TRPM4: variants seen among roughly 807,000 people sequenced by gnomAD.
TRPM4 encodes transient receptor potential cation channel subfamily M member 4.
Under a neutral mutation model 135.6 loss-of-function variants are expected in TRPM4, and 124 were observed. The observed-to-expected ratio is 0.91, with a 90% confidence interval of 0.79 to 1.06. The LOEUF (loss-of-function observed/expected upper bound fraction) is 1.06. TRPM4 is among the 50% of genes least tolerant of loss of function. The probability of loss-of-function intolerance (pLI) is 0.00; values close to 1 mark genes in which losing one functional copy is unlikely to be tolerated. For missense variants in TRPM4, 1,658 were observed against 1,671.4 expected, an observed-to-expected ratio of 0.99 and a Z score of 0.14; for synonymous variants, 745 against 705.6, an observed-to-expected ratio of 1.06 and a Z score of -0.88.
intron 20 of TRPM4, among the ~76,000 whole-genome samples, chr19:49,207,965 G>A (rs927363460): frequency 6.6e-6 from 1 of 152,098 alleles, no homozygotes; most frequent in Non-Finnish European, 1.5e-5. Context: ...AAGGGGCAGG[G>A]TAAAGAGTGT....
At chr19:49,190,358 G>C (rs1316579169) in intron 15 of TRPM4, 38 bp downstream of exon 15, 1 of 1,573,850 alleles carries the variant, frequency 6.4e-7, no homozygotes, top group Non-Finnish European at 8.7e-7. Context: ...GGATGGGGGC[G>C]GGGTGCTCAG....
At chr19:49,161,970 C>T (rs921080147) in intron 2 of TRPM4, among the ~76,000 whole-genome samples, 2 of 152,136 alleles carry the variant, frequency 1.3e-5, no homozygotes, top group East Asian at 1.9e-4. Context: ...CTGGCCTCTG[C>T]ACACATTGGG....
rs1969361946 is a variant in TRPM4, at chr19:49,211,303, C to CCT, written c.3640+37_3640+38dup. 1 of 1,573,864 alleles carries CCT rather than the reference C, an allele frequency of 6.4e-7. No individual in the cohort carries two copies. Reference sequence around the variant, plus strand: ...GTAGCATCAGCCTGTGCATCTCCAGCCTCTGTTCCTGTATTTTTGCGTGTT... The same window carrying CCT: ...GTAGCATCAGCCTGTGCATCTCCAGCCTCTCTGTTCCTGTATTTTTGCGTGTT... On this transcript the variant is annotated intron_variant, in intron 24 of 24. Coordinates refer to ENST00000252826, the MANE Select transcript of TRPM4 (RefSeq NM_017636.4). This position sits in a 1 kb window ranked among gnomAD's most constrained non-coding sequence, Gnocchi z 4.8.
rs373634071 is a variant in TRPM4 at position 49,210,171 on chromosome 19, C to T, written c.3132-38C>T. 2.9e-5 allele frequency: 47 copies of T among 1,611,482 alleles called. 1 individual carries two copies. The highest frequency in any genetic ancestry group is 3.9e-5 in the Non-Finnish European group (46 of 1,177,688). On this transcript the variant is annotated intron_variant, in intron 20 of 24. Transcript: ENST00000252826. This position sits in a 1 kb window ranked among gnomAD's most constrained non-coding sequence, Gnocchi z 4.1. Reference sequence around the variant, plus strand: ...CCTTCGTCCTTGCCCCTGGCTGGGCCCTGACCTCAAGTGACCTTTGACCTC... The same window carrying T: ...CCTTCGTCCTTGCCCCTGGCTGGGCTCTGACCTCAAGTGACCTTTGACCTC...
chr19:49,188,826 G>T, intron 13 of TRPM4, 56 bp downstream of exon 13: 1 of 1,612,934 alleles, frequency 6.2e-7, no homozygotes, highest in Non-Finnish European at 8.5e-7. Context: ...AGAGGGGGAT[G>T]TGCAACTCCG....
chr19:49,202,635 A>C (rs1239238515), intron 20 of TRPM4, among the ~76,000 whole-genome samples: 1 of 151,676 alleles, frequency 6.6e-6, no homozygotes, highest in African/African-American at 2.4e-5. Context: ...TCTGTCACCT[A>C]GGCTGGAGTG....
intron 20 of TRPM4, among the ~76,000 whole-genome samples, chr19:49,203,328 C>T (rs562334006): frequency 2.1e-4 from 32 of 151,876 alleles, no homozygotes; most frequent in South Asian, 1.3e-3. Context: ...TACAGGCGTG[C>T]GCCACCACAC....
chr19:49,167,796 C>A (rs1045981125), intron 3 of TRPM4, 121 bp from the exon 4 acceptor site: 24 of 657,548 alleles, frequency 3.6e-5, no homozygotes, highest in South Asian at 1.7e-4. Flanking sequence ...CTCTGTCCCT[C>A]TCTCTCTGGG....
At chr19:49,162,565 C>CA (rs1491306800) in intron 2 of TRPM4, among the ~76,000 whole-genome samples, 12 of 151,374 alleles carry the variant, frequency 7.9e-5, no homozygotes, top group Admixed American at 2.6e-4. Flanking sequence ...AACAAACAAA[C>CA]AAAAAAACAA....
intron 2 of TRPM4, among the ~76,000 whole-genome samples, chr19:49,164,210 C>T (rs1047297511): frequency 1.3e-5 from 2 of 149,956 alleles, no homozygotes; most frequent in Non-Finnish European, 3.0e-5. Context: ...CTTCCTTTCT[C>T]TTTCTTTTCT....
Position 49,174,758 on chromosome 19 carries a change from A to C in TRPM4, c.1150+2650A>C, listed in dbSNP as rs966561096. On this transcript the variant is annotated intron_variant, in intron 9 of 24. Coordinates refer to ENST00000252826, the MANE Select transcript of TRPM4 (RefSeq NM_017636.4). ...GACTCTGTCTCAAAAAAAAAAAAAA[A>C]AAACCTAAATAAATAAACCAAATAA... Among the ~76,000 whole-genome samples, 4 of 151,560 alleles carry C rather than the reference A, an allele frequency of 2.6e-5. No homozygotes were observed. In the East Asian group the frequency reaches 7.8e-4, roughly 30 times the overall value.
chr19:49,184,865 G>A (rs1600467627), intron 12 of TRPM4, among the ~76,000 whole-genome samples: 1 of 150,940 alleles, frequency 6.6e-6, no homozygotes, highest in African/African-American at 2.4e-5. Context: ...TCTACAAAAA[G>A]CAGAAAAAAA....
intron 16 of TRPM4, among the ~76,000 whole-genome samples, chr19:49,194,548 C>A (rs949708071): frequency 6.6e-6 from 1 of 151,668 alleles, no homozygotes; most frequent in Non-Finnish European, 1.5e-5. Context: ...CTTGGCCTCA[C>A]TTATTTCCTT....
rs71919979 is a variant in TRPM4 at position 49,180,428 on chromosome 19, C to CTGTGTGTGTG, written c.1151-881_1151-872dup. 3.5e-3 allele frequency among the ~76,000 whole-genome samples: 456 copies of CTGTGTGTGTG among 131,316 alleles called. 2 individuals are homozygous for CTGTGTGTGTG. The highest frequency in any genetic ancestry group is 8.0e-3 in the African/African-American group (279 of 34,788). 86.1% of individuals were successfully genotyped at this position (131,316 alleles called of 152,430 possible). A position where few individuals can be genotyped will look rare whatever the true frequency, so the allele number is the denominator to read the frequency against. On this transcript the variant is annotated intron_variant, in intron 9 of 24. Transcript: ENST00000252826. ...AGTGACTCACGTTTGTCATCATCTG[C>CTGTGTGTGTG]TGTGTGTGTGTGTGTGTGTGTGTGT... is the stretch of plus-strand genomic sequence containing the variant.
At chr19:49,164,743 T>G (rs1334066610) in intron 2 of TRPM4, among the ~76,000 whole-genome samples, 1 of 151,408 alleles carries the variant, frequency 6.6e-6, no homozygotes, top group Non-Finnish European at 1.5e-5. Flanking sequence ...CTTCTTTTCT[T>G]TTTTTTGAAC....
Position 49,201,952 on chromosome 19 carries a change from C to T in TRPM4, c.2954-12C>T. Reference sequence around the variant, plus strand: ...TCCCCCTCACCCCATCTCTGAATGTCTCTCTTCACAGTGGCCCTCATGGAG... The same window carrying T: ...TCCCCCTCACCCCATCTCTGAATGTTTCTCTTCACAGTGGCCCTCATGGAG... On this transcript the variant is annotated splice_polypyrimidine_tract_variant and intron_variant, in intron 19 of 24. Coordinates refer to ENST00000252826, the MANE Select transcript of TRPM4 (RefSeq NM_017636.4). The T allele has an allele frequency of 6.2e-7, 1 of 1,613,230 alleles. No individual in the cohort carries two copies. The highest frequency in any genetic ancestry group is 8.5e-7 in the Non-Finnish European group (1 of 1,179,986).
chr19:49,188,802 C>G, intron 13 of TRPM4, 32 bp downstream of exon 13: 1 of 1,613,206 alleles, frequency 6.2e-7, no homozygotes, highest in Non-Finnish European at 8.5e-7. Flanking sequence ...GGAGCAGGGA[C>G]GGGGGCTGCC....
At chr19:49,199,135 A>T (rs1034249291) in intron 17 of TRPM4, among the ~76,000 whole-genome samples, 1 of 152,190 alleles carries the variant, frequency 6.6e-6, no homozygotes, top group Non-Finnish European at 1.5e-5. Flanking sequence ...TGCCAATTTA[A>T]TGGGTAAACA....
Position 49,171,460 on chromosome 19 carries a change from T to C in TRPM4, c.858+42T>C. 4 of 1,612,600 alleles carry C rather than the reference T, an allele frequency of 2.5e-6. No homozygotes were observed. In the South Asian group the frequency reaches 4.4e-5, roughly 18 times the overall value. ...GCCCGGATCTAAGGGGGAAGGAGGGTTGGGGGCCAGGACTCCTGGGTCCTG... is the reference window on the plus strand; with the variant it reads ...GCCCGGATCTAAGGGGGAAGGAGGGCTGGGGGCCAGGACTCCTGGGTCCTG... On this transcript the variant is annotated intron_variant, in intron 7 of 24. Coordinates refer to ENST00000252826, the MANE Select transcript of TRPM4 (RefSeq NM_017636.4). This position sits in a 1 kb window ranked among gnomAD's most constrained non-coding sequence, Gnocchi z 4.7.
Sources: allele counts gnomAD v4.1 joint callset (sites outside exome capture counted in the v4.1 genomes callset), GRCh38; gene constraint gnomAD v4.1.1; non-coding constraint Gnocchi (gnomAD v3.1); transcripts MANE v1.5; gene names NCBI Gene and HGNC (gene_info 2026-07-23, HGNC 2026-07-21).